Variants in SEMA3F observed in about 807,000 individuals in gnomAD.
SEMA3F encodes semaphorin-3F.
In SEMA3F, 30 loss-of-function variants were observed where a neutral mutation model predicts 98.5. The ratio of observed to expected loss-of-function variants is 0.30; its 90% confidence interval spans 0.23 to 0.41. The LOEUF (loss-of-function observed/expected upper bound fraction) is 0.41. SEMA3F is among the 10% of genes least tolerant of loss of function. SEMA3F has a pLI of 1.00. For missense variants in SEMA3F, 866 were observed against 1,119.3 expected (o/e 0.77, Z 3.23); for synonymous variants, 380 against 444.8 (o/e 0.85, Z 1.83).
At chr3:50,176,894 A>C in intron 7 of SEMA3F, 33 bp downstream of exon 7, 63 of 1,534,026 alleles carry the variant, frequency 4.1e-5, no homozygotes, top group Middle Eastern at 1.7e-4. Context: ...CTACAGTCTC[A>C]ATGTGTGGCC....
Position 50,156,215 on chromosome 3 carries a change from A to G in SEMA3F, c.-49+651A>G, listed in dbSNP as rs1697974957. The G allele has an allele frequency of 6.6e-6, 1 of 152,412 alleles. No homozygotes were observed. Among genetic ancestry groups the G allele is most frequent in the South Asian group, 2.1e-4 (1 of 4,828 alleles). 9.4% of individuals were successfully genotyped at this position (152,412 alleles called of 1,614,324 possible). A position where few individuals can be genotyped will look rare whatever the true frequency, so the allele number is the denominator to read the frequency against. ...GGTGAGCTTGGAGAGCCTGCGGTCA[A>G]TCCCTAGTTTGAACCAGGGGTCCCA... On this transcript the variant is annotated intron_variant, in intron 1 of 18. Transcript: ENST00000002829. The surrounding 1 kb of genome is among the most constrained non-coding windows in gnomAD (Gnocchi z 4.5).
intron 7 of SEMA3F, among the ~76,000 whole-genome samples, chr3:50,181,801 G>C (rs1275567624): frequency 1.3e-5 from 2 of 151,982 alleles, no homozygotes; most frequent in Admixed American, 1.3e-4. Context: ...CTGTATTTTA[G>C]TATAGGTAGG....
rs114823982 is a variant in SEMA3F at position 50,156,667 on chromosome 3, A to G, written c.-49+1103A>G. Among the ~76,000 whole-genome samples, 932 of 152,276 alleles carry G rather than the reference A, an allele frequency of 6.1e-3. 10 individuals are homozygous for G. Among genetic ancestry groups the G allele is most frequent in the African/African-American group, 0.021 (878 of 41,552 alleles). The stretch of plus-strand genomic sequence containing the variant: ...CCCAAGGGGTGTGCCAGGACCCCGT[A>G]GGGTATAGTGTCTAGGCAGGCGGGG... On this transcript the variant is annotated intron_variant, in intron 1 of 18. Coordinates refer to ENST00000002829, the MANE Select transcript of SEMA3F (RefSeq NM_004186.5). This position sits in a 1 kb window ranked among gnomAD's most constrained non-coding sequence, Gnocchi z 4.5.
rs1370149155 is a variant in SEMA3F at position 50,184,628 on chromosome 3, A to G, written c.1270A>G (p.Thr424Ala). 2 of 1,614,042 alleles carry G rather than the reference A, an allele frequency of 1.2e-6. No individual in the cohort carries two copies. The highest frequency in any genetic ancestry group is 3.3e-5 in the Admixed American group (2 of 60,024). ...GGTFTPSMKS[T>A]KDYPDEVINF... ...AACCTTCACGCCATCTATGAAGTCC[A>G]CCAAGGATTATCCTGATGAGGTGAT... Residue 424 changes from threonine (T) to alanine (A), a missense_variant, in exon 13 of 19, where the codon ACC (threonine) becomes GCC (alanine). Thr to Ala is a moderately conservative substitution (Grantham distance 58, BLOSUM62 0). Coordinates refer to ENST00000002829, the MANE Select transcript of SEMA3F (RefSeq NM_004186.5).
At chr3:50,163,815 G>T (rs975611802) in intron 2 of SEMA3F, among the ~76,000 whole-genome samples, 69 of 152,216 alleles carry the variant, frequency 4.5e-4, no homozygotes, top group Non-Finnish European at 5.0e-4. Context: ...CTACAGTGGG[G>T]GTTGGAGCTC....
chr3:50,187,153 G>A (rs574014699), intron 18 of SEMA3F, among the ~76,000 whole-genome samples: 6 of 152,274 alleles, frequency 3.9e-5, no homozygotes, highest in East Asian at 1.9e-4. Flanking sequence ...CTGGCTGGAC[G>A]TGGTGGCTCA....
intron 7 of SEMA3F, among the ~76,000 whole-genome samples, chr3:50,179,295 A>C (rs982974012): frequency 6.6e-6 from 1 of 150,822 alleles, no homozygotes; most frequent in African/African-American, 2.4e-5. Flanking sequence ...CCTAGATGGC[A>C]TGTTCTTCCA....
chr3:50,157,898 G>A (rs1181977267), intron 1 of SEMA3F, among the ~76,000 whole-genome samples: 3 of 152,134 alleles, frequency 2.0e-5, no homozygotes, highest in Admixed American at 6.5e-5. Flanking sequence ...AGGAGCCCCC[G>A]TTACATAGTA....
In SEMA3F at chr3:50,166,670, G is replaced by A. The variant is rs1321541523; in HGVS notation, c.112+6936G>A. On this transcript the variant is annotated intron_variant, in intron 2 of 18. Coordinates refer to ENST00000002829, the MANE Select transcript of SEMA3F (RefSeq NM_004186.5). The surrounding 1 kb of genome is among the most constrained non-coding windows in gnomAD (Gnocchi z 4.7). ...GAATCTCTGGGTGGGTGTTGTGAAG[G>A]GGCTGCAGGGACCGCAGGAATCCGA... Among the ~76,000 whole-genome samples, 1 of 152,172 alleles carries A rather than the reference G, an allele frequency of 6.6e-6. No individual in the cohort carries two copies. Among genetic ancestry groups the A allele is most frequent in the Non-Finnish European group, 1.5e-5 (1 of 68,042 alleles).
At chr3:50,181,826 G>T (rs1354871680) in intron 7 of SEMA3F, among the ~76,000 whole-genome samples, 1 of 151,832 alleles carries the variant, frequency 6.6e-6, no homozygotes, top group Non-Finnish European at 1.5e-5. Context: ...CACCATCTTG[G>T]CCAGGCTGGC....
chr3:50,180,134 C>A (rs1398092368), intron 7 of SEMA3F, among the ~76,000 whole-genome samples: 2 of 152,032 alleles, frequency 1.3e-5, no homozygotes, highest in Non-Finnish European at 2.9e-5. Context: ...TCATTTCTAG[C>A]TTTTTTGTTT....
intron 1 of SEMA3F, among the ~76,000 whole-genome samples, chr3:50,157,649 G>A (rs1559716571): frequency 6.6e-6 from 1 of 152,024 alleles, no homozygotes; most frequent in Non-Finnish European, 1.5e-5. Flanking sequence ...GTCCAAGAGG[G>A]GACCTGGACT....
At chr3:50,184,465 G>T (rs1455437832) in intron 12 of SEMA3F, 127 bp from the exon 13 acceptor site, 17 of 695,432 alleles carry the variant, frequency 2.4e-5, no homozygotes, top group Middle Eastern at 6.3e-4. Context: ...AACTTGGAGA[G>T]CGGGTTTGGG....
Position 50,158,050 on chromosome 3 carries a change from G to C in SEMA3F, c.-48-1525G>C, listed in dbSNP as rs1043218771. Among the ~76,000 whole-genome samples the C allele has an allele frequency of 5.9e-5, 9 of 152,210 alleles. No homozygotes were observed. Among genetic ancestry groups the C allele is most frequent in the African/African-American group, 1.4e-4 (6 of 41,452 alleles). On this transcript the variant is annotated intron_variant, in intron 1 of 18. Transcript: ENST00000002829. The surrounding 1 kb of genome is among the most constrained non-coding windows in gnomAD (Gnocchi z 4.8). ...CGTGTGTGGGCCTGCAAGTGTGAAC[G>C]TGTGCATATCCACAGCTGTTATCAG...
chr3:50,176,980 C>A (rs1283865431), intron 7 of SEMA3F, 119 bp downstream of exon 7: 2 of 787,054 alleles, frequency 2.5e-6, no homozygotes, highest in Non-Finnish European at 4.3e-6. Flanking sequence ...CCCTGAACTC[C>A]CCAAAAGGCC....
chr3:50,174,512 A>G (rs1271630663), intron 5 of SEMA3F, among the ~76,000 whole-genome samples, 162 bp downstream of exon 5: 1 of 152,258 alleles, frequency 6.6e-6, no homozygotes, highest in Non-Finnish European at 1.5e-5. Flanking sequence ...TCTTCACTTG[A>G]AAATGGGGCT....
At chr3:50,183,830 G>T (rs899953733) in intron 12 of SEMA3F, among the ~76,000 whole-genome samples, 1 of 152,168 alleles carries the variant, frequency 6.6e-6, no homozygotes, top group South Asian at 2.1e-4. Flanking sequence ...CTGAAGGTTG[G>T]GGGGAAGCGT....
rs528479501 is a variant in SEMA3F, at chr3:50,176,652, G to T, written c.550-116G>T. On this transcript the variant is annotated intron_variant, in intron 6 of 18. Coordinates refer to ENST00000002829, the MANE Select transcript of SEMA3F (RefSeq NM_004186.5). The stretch of plus-strand genomic sequence containing the variant: ...GGCCAAGGAATGCTGGGGAGTGTAG[G>T]GGGTGGGCTCGGGGTATGCCTGGGG... 3 of 742,014 alleles carry T rather than the reference G, an allele frequency of 4.0e-6. No individual in the cohort carries two copies. The African/African-American group carries it at 5.1e-5, about 13-fold the overall frequency. 46.0% of individuals were successfully genotyped at this position (742,014 alleles called of 1,614,324 possible).
chr3:50,185,408 C>T, intron 13 of SEMA3F, 35 bp from the exon 14 acceptor site: 2 of 1,584,594 alleles, frequency 1.3e-6, no homozygotes, highest in Non-Finnish European at 1.7e-6. Flanking sequence ...CCCAGCATCC[C>T]CAGCCCCACT....
Sources: gnomAD v4.1 joint callset for allele counts (sites outside exome capture counted in the v4.1 genomes callset) on GRCh38, gnomAD v4.1.1 for gene constraint, Gnocchi (gnomAD v3.1) non-coding constraint, MANE v1.5 for transcripts, NCBI Gene and HGNC (gene_info 2026-07-23, HGNC 2026-07-21) for gene names.